SGCZ: variants seen among roughly 807,000 people sequenced by gnomAD.
SGCZ encodes sarcoglycan zeta.
A neutral mutation model predicts 41.3 loss-of-function variants in SGCZ; 40 were observed. The observed-to-expected ratio is 0.97, with a 90% confidence interval of 0.75 to 1.26. The LOEUF (loss-of-function observed/expected upper bound fraction) is 1.26, where lower values mean the gene tolerates loss of function less well. Among genes scored for constraint, SGCZ ranks in the 50% most tolerant of loss-of-function variants. SGCZ has a pLI of 0.00. For synonymous variants in SGCZ, 206 were observed against 137.5 expected (o/e 1.50, Z -3.49); for missense variants, 552 against 369.8 (o/e 1.49, Z -4.04).
chr8:14,865,207 C>G (rs995586181), intron 1 of SGCZ, among the ~76,000 whole-genome samples: 7 of 152,086 alleles, frequency 4.6e-5, no homozygotes, highest in African/African-American at 7.2e-5. Context: ...CACCACTTCA[C>G]CTCCTGCATC....
intron 1 of SGCZ, among the ~76,000 whole-genome samples, chr8:15,211,038 T>TATAGAC (rs1172174555): frequency 6.7e-6 from 1 of 149,440 alleles, no homozygotes; most frequent in Non-Finnish European, 1.5e-5. Context: ...CATATATAGA[T>TATAGAC]ATAGATATAG....
chr8:14,244,419 C>A (rs1799008903), intron 3 of SGCZ, among the ~76,000 whole-genome samples: 1 of 152,192 alleles, frequency 6.6e-6, no homozygotes, highest in South Asian at 2.1e-4. Flanking sequence ...ACTTGACCCA[C>A]TGAAGCTGCA....
intron 1 of SGCZ, among the ~76,000 whole-genome samples, chr8:14,699,076 A>T (rs1189549300): frequency 6.6e-6 from 1 of 151,818 alleles, no homozygotes; most frequent in Non-Finnish European, 1.5e-5. Context: ...TTTAATTTAT[A>T]CAAACAAAAA....
intron 1 of SGCZ, among the ~76,000 whole-genome samples, chr8:15,228,715 A>G (rs1194639210): frequency 2.0e-5 from 3 of 152,342 alleles, no homozygotes; most frequent in South Asian, 4.1e-4. Flanking sequence ...GCCTTAGAAC[A>G]GGTAGAGGTG....
At chr8:15,058,918 G>T (rs939757174) in intron 1 of SGCZ, among the ~76,000 whole-genome samples, 3 of 152,104 alleles carry the variant, frequency 2.0e-5, no homozygotes, top group Non-Finnish European at 4.4e-5. Context: ...GGAAATTACA[G>T]ATAATTAAAA....
intron 1 of SGCZ, among the ~76,000 whole-genome samples, chr8:15,208,454 G>A (rs11203685): frequency 0.78 from 118,865 of 152,094 alleles, 46,912 homozygotes; most frequent in Non-Finnish European, 0.83. Context: ...GAGTTTATAA[G>A]TCAGTTGTCA....
intron 5 of SGCZ, among the ~76,000 whole-genome samples, chr8:14,146,890 A>AAAAAAAAATAATAAT (rs1182329393): frequency 7.7e-5 from 9 of 116,254 alleles, no homozygotes; most frequent in Admixed American, 1.7e-4. Flanking sequence ...AAAATAAAAA[A>AAAAAAAAATAATAAT]AATAATAATA....
At chr8:14,711,365 A>C (rs1317527567) in intron 1 of SGCZ, among the ~76,000 whole-genome samples, 2 of 150,784 alleles carry the variant, frequency 1.3e-5, no homozygotes, top group African/African-American at 2.4e-5. Context: ...TGAGGCTGGC[A>C]GATCCCTTGA....
intron 1 of SGCZ, among the ~76,000 whole-genome samples, chr8:14,621,034 C>G (rs1806267224): frequency 6.6e-6 from 1 of 152,012 alleles, no homozygotes; most frequent in African/African-American, 2.4e-5. Context: ...GACTTGGAAC[C>G]AACCCCAATG....
At chr8:15,125,750 G>A (rs565168669) in intron 1 of SGCZ, among the ~76,000 whole-genome samples, 1 of 152,236 alleles carries the variant, frequency 6.6e-6, no homozygotes, top group Non-Finnish European at 1.5e-5. Context: ...TCTACAGTAT[G>A]TATACCATAA....
At chr8:14,705,188 T>A (rs1349324429) in intron 1 of SGCZ, among the ~76,000 whole-genome samples, 3 of 151,898 alleles carry the variant, frequency 2.0e-5, no homozygotes, top group Admixed American at 1.3e-4. Context: ...CAAATTCTAA[T>A]GATTTAGTTG....
intron 1 of SGCZ, among the ~76,000 whole-genome samples, chr8:14,854,974 C>T (rs575050575): frequency 4.0e-5 from 6 of 151,356 alleles, no homozygotes; most frequent in African/African-American, 4.9e-5. Flanking sequence ...ATCCCGCTCC[C>T]GACTTTATCT....
At chr8:14,097,357 G>A (rs1486216165) in intron 7 of SGCZ, among the ~76,000 whole-genome samples, 1 of 152,148 alleles carries the variant, frequency 6.6e-6, no homozygotes. Context: ...GATTTACCCA[G>A]TAGTCATTCA....
intron 1 of SGCZ, among the ~76,000 whole-genome samples, chr8:15,131,271 C>A (rs541560678): frequency 6.6e-6 from 1 of 152,168 alleles, no homozygotes; most frequent in African/African-American, 2.4e-5. Context: ...TTCTCCCATA[C>A]TGTTCTCATG....
intron 2 of SGCZ, among the ~76,000 whole-genome samples, chr8:14,454,453 C>T (rs60285615): frequency 0.34 from 50,921 of 151,806 alleles, 9,477 homozygotes; most frequent in Middle Eastern, 0.47. Context: ...TCTTCTCATC[C>T]GTTAGATAAA....
chr8:14,538,907 T>C (rs1803375468), intron 2 of SGCZ, among the ~76,000 whole-genome samples: 1 of 151,930 alleles, frequency 6.6e-6, no homozygotes, highest in African/African-American at 2.4e-5. Context: ...GTAGGTCAAT[T>C]AGAAAGCTAT....
intron 3 of SGCZ, among the ~76,000 whole-genome samples, chr8:14,292,620 G>A (rs1055465985): frequency 6.6e-6 from 1 of 151,932 alleles, no homozygotes; most frequent in Admixed American, 6.6e-5. Flanking sequence ...TGACAATATG[G>A]CCTGGTAATG....
chr8:14,904,458 T>C (rs1465066126), intron 1 of SGCZ, among the ~76,000 whole-genome samples: 1 of 152,086 alleles, frequency 6.6e-6, no homozygotes, highest in Non-Finnish European at 1.5e-5. Context: ...AGAAGCATAA[T>C]TTTACCTTTA....
intron 1 of SGCZ, among the ~76,000 whole-genome samples, chr8:14,838,975 C>T (rs894429308): frequency 6.6e-6 from 1 of 152,098 alleles, no homozygotes; most frequent in Non-Finnish European, 1.5e-5. Context: ...CAAGGTAGGA[C>T]TTCAGGTGAT....
Sources: gnomAD v4.1 joint callset for allele counts (sites outside exome capture counted in the v4.1 genomes callset) on GRCh38, gnomAD v4.1.1 for gene constraint, MANE v1.5 for transcripts, NCBI Gene and HGNC (gene_info 2026-07-23, HGNC 2026-07-21) for gene names.